PDE10A: variants seen among roughly 807,000 people sequenced by gnomAD.
PDE10A encodes cAMP and cAMP-inhibited cGMP 3',5'-cyclic phosphodiesterase 10A.
A neutral mutation model predicts 97.7 loss-of-function variants in PDE10A; 39 were observed. The observed-to-expected ratio is 0.40, with a 90% confidence interval of 0.31 to 0.52. The LOEUF is 0.52. PDE10A is among the 20% of genes least tolerant of loss of function. The probability of loss-of-function intolerance (pLI) is 0.56; values close to 1 mark genes in which losing one functional copy is unlikely to be tolerated. For synonymous variants in PDE10A, 371 were observed against 376.8 expected, an observed-to-expected ratio of 0.98 and a Z score of 0.18; for missense variants, 731 against 1,047.8, an observed-to-expected ratio of 0.70 and a Z score of 4.17.
chr6:165,529,804 T>C (rs1252891641), intron 2 of PDE10A, among the ~76,000 whole-genome samples: 2 of 152,180 alleles, frequency 1.3e-5, no homozygotes, highest in Admixed American at 6.5e-5. Context: ...ATTATGACTT[T>C]ATTATTGTCT....
intron 1 of PDE10A, among the ~76,000 whole-genome samples, chr6:165,636,244 C>G (rs1331588729): frequency 1.3e-5 from 2 of 152,100 alleles, no homozygotes; most frequent in African/African-American, 4.8e-5. Context: ...CACACTTTAT[C>G]CCATTAGCAA....
intron 21 of PDE10A, among the ~76,000 whole-genome samples, chr6:165,333,721 C>T (rs922912265): frequency 1.3e-5 from 2 of 152,172 alleles, no homozygotes; most frequent in Admixed American, 6.6e-5. Flanking sequence ...TCTCATTTCT[C>T]GAGTCCTCTA....
At chr6:165,731,303 G>A (rs898082023) in intron 1 of PDE10A, among the ~76,000 whole-genome samples, 1 of 152,182 alleles carries the variant, frequency 6.6e-6, no homozygotes, top group Non-Finnish European at 1.5e-5. Flanking sequence ...GCCCTGTATG[G>A]GGAAAGTGCT....
intron 15 of PDE10A, among the ~76,000 whole-genome samples, chr6:165,393,619 G>A (rs573525325): frequency 1.8e-4 from 27 of 152,088 alleles, no homozygotes; most frequent in Non-Finnish European, 3.1e-4. Flanking sequence ...AATTCCAACT[G>A]GTCAAACTCT....
chr6:165,446,569 C>A (rs974802123), intron 5 of PDE10A, among the ~76,000 whole-genome samples: 38 of 152,202 alleles, frequency 2.5e-4, no homozygotes, highest in African/African-American at 8.4e-4. Flanking sequence ...GATAAGGTAT[C>A]TGTCTTCATA....
At chr6:165,699,895 A>G (rs996827050) in intron 1 of PDE10A, among the ~76,000 whole-genome samples, 5 of 152,202 alleles carry the variant, frequency 3.3e-5, no homozygotes, top group Non-Finnish European at 7.3e-5. Flanking sequence ...ATCTCAAATC[A>G]ATAACCTAAC....
chr6:165,841,349 T>C (rs543717674), intron 1 of PDE10A, among the ~76,000 whole-genome samples: 3 of 152,334 alleles, frequency 2.0e-5, no homozygotes, highest in East Asian at 3.9e-4. Context: ...AAAGGGCCCA[T>C]GGAGATCGGC....
chr6:165,633,513 T>C lies in PDE10A; in HGVS notation c.865+28434A>G, dbSNP rs1788730462. ...AAGATGGAATAATTGAGGGGAAAAA[T>C]GAAATCAAATAGCAAACATTTCAAA... is the stretch of plus-strand genomic sequence containing the variant. On this transcript the variant is annotated intron_variant, in intron 1 of 21. Coordinates refer to ENST00000539869, the MANE Select transcript of PDE10A (RefSeq NM_001385079.1). 7.9e-5 allele frequency among the ~76,000 whole-genome samples: 12 copies of C among 152,246 alleles called. No individual in the cohort carries two copies. The South Asian group carries it at 2.5e-3, about 32-fold the overall frequency.
At chr6:165,741,649 A>T (rs912535767) in intron 1 of PDE10A, among the ~76,000 whole-genome samples, 1 of 152,228 alleles carries the variant, frequency 6.6e-6, no homozygotes, top group Admixed American at 6.5e-5. Context: ...TGCACAGCAT[A>T]CTATATATTA....
intron 1 of PDE10A, among the ~76,000 whole-genome samples, chr6:165,920,586 A>G (rs1782727616): frequency 6.6e-6 from 1 of 152,014 alleles, no homozygotes; most frequent in Non-Finnish European, 1.5e-5. Flanking sequence ...ATACCTGCTT[A>G]CTATACATTT....
At chr6:165,970,153 T>C (rs1242027876) in intron 1 of PDE10A, among the ~76,000 whole-genome samples, 1 of 152,172 alleles carries the variant, frequency 6.6e-6, no homozygotes, top group Non-Finnish European at 1.5e-5. Flanking sequence ...TTTAAAATCA[T>C]TTGCTCAAAA....
intron 2 of PDE10A, among the ~76,000 whole-genome samples, chr6:165,523,049 T>G (rs548819804): frequency 6.6e-6 from 1 of 151,732 alleles, no homozygotes; most frequent in East Asian, 1.9e-4. Flanking sequence ...AAAAAATACC[T>G]AGGAATGCAT....
In PDE10A at chr6:165,553,001, C is replaced by CAT. The variant is rs570700488; in HGVS notation, c.866-9435_866-9434dup. ...TACCTGAGCAAAGGACCCCTCCACTCATAGCCTGCTGTACCTACTTAAATT... is the reference window on the plus strand; with the variant it reads ...TACCTGAGCAAAGGACCCCTCCACTCATATAGCCTGCTGTACCTACTTAAATT... On this transcript the variant is annotated intron_variant, in intron 1 of 21. Transcript: ENST00000539869. Among the ~76,000 whole-genome samples the CAT allele has an allele frequency of 6.7e-3, 1,015 of 152,322 alleles. 11 individuals are homozygous for CAT. Among genetic ancestry groups the CAT allele is most frequent in the Admixed American group, 0.017 (254 of 15,306 alleles).
intron 10 of PDE10A, among the ~76,000 whole-genome samples, chr6:165,423,175 A>G (rs1172940757): frequency 6.6e-6 from 1 of 152,188 alleles, no homozygotes; most frequent in East Asian, 1.9e-4. Flanking sequence ...AGATTATTTG[A>G]GCCCCCATGT....
At chr6:165,930,521 A>G (rs76472289) in intron 1 of PDE10A, among the ~76,000 whole-genome samples, 6,863 of 152,314 alleles carry the variant, frequency 0.045, 219 homozygotes, top group Middle Eastern at 0.071. Context: ...TTCACAGTCC[A>G]CAGAGTTGCT....
At chr6:165,875,369 G>T (rs1291134208) in intron 1 of PDE10A, among the ~76,000 whole-genome samples, 2 of 152,188 alleles carry the variant, frequency 1.3e-5, no homozygotes, top group Non-Finnish European at 2.9e-5. Context: ...TTCATGACCA[G>T]TTCTGCTAGA....
chr6:165,964,718 A>G lies in PDE10A; in HGVS notation c.-615+22811T>C, dbSNP rs771874824. Among the ~76,000 whole-genome samples the G allele has an allele frequency of 7.6e-4, 116 of 152,226 alleles. 1 individual carries two copies. Among genetic ancestry groups the G allele is most frequent in the Non-Finnish European group, 1.5e-3 (102 of 68,036 alleles). Reference sequence around the variant, plus strand: ...GAGATGGCCATGTAAATACATAATTACTGGAGAGATGTGTACATGAAATCA... The same window carrying G: ...GAGATGGCCATGTAAATACATAATTGCTGGAGAGATGTGTACATGAAATCA... On this transcript the variant is annotated intron_variant, in intron 1 of 19. Coordinates refer to the PDE10A transcript ENST00000366882.
chr6:165,490,274 G>A (rs989420311), intron 2 of PDE10A, among the ~76,000 whole-genome samples: 1 of 152,192 alleles, frequency 6.6e-6, no homozygotes, highest in Non-Finnish European at 1.5e-5. Context: ...GGTCAGAAGG[G>A]ATTGTGATTC....
chr6:165,399,998 T>C (rs1305322006), intron 13 of PDE10A, among the ~76,000 whole-genome samples: 1 of 152,132 alleles, frequency 6.6e-6, no homozygotes, highest in Non-Finnish European at 1.5e-5. Flanking sequence ...AACGGATCAG[T>C]GGAACTAAAT....
Sources: allele counts gnomAD v4.1 joint callset (sites outside exome capture counted in the v4.1 genomes callset), GRCh38; gene constraint gnomAD v4.1.1; transcripts MANE v1.5; gene names NCBI Gene and HGNC (gene_info 2026-07-23, HGNC 2026-07-21).